Variants in SHROOM3 observed in about 807,000 individuals in gnomAD.
SHROOM3 encodes shroom family member 3.
In SHROOM3, 47 loss-of-function variants were observed where a neutral mutation model predicts 138.6. That is an observed-to-expected ratio of 0.34 (90% CI 0.27 to 0.43). The LOEUF (loss-of-function observed/expected upper bound fraction) is 0.43, where lower values mean the gene tolerates loss of function less well. Ranked by LOEUF, SHROOM3 falls within the 20% of genes least tolerant of loss-of-function variation. SHROOM3 has a pLI of 1.00. For synonymous variants in SHROOM3, 1,062 were observed against 1,063.3 expected (o/e 1.00, Z 0.02); for missense variants, 2,491 against 2,596.5 (o/e 0.96, Z 0.88).
chr4:76,511,695 T>A (rs1461639721), intron 1 of SHROOM3, among the ~76,000 whole-genome samples: 2 of 152,092 alleles, frequency 1.3e-5, no homozygotes, highest in Admixed American at 1.3e-4. Context: ...AGGGAAAAAA[T>A]TTCAAATAAA....
At chr4:76,712,362 C>T (rs1720253552) in intron 3 of SHROOM3, among the ~76,000 whole-genome samples, 1 of 152,068 alleles carries the variant, frequency 6.6e-6, no homozygotes, top group African/African-American at 2.4e-5. Flanking sequence ...GCCATTAGGA[C>T]AGGGAAGGCA....
intron 2 of SHROOM3, among the ~76,000 whole-genome samples, chr4:76,653,779 T>G (rs1369305866): frequency 6.6e-6 from 1 of 152,100 alleles, no homozygotes; most frequent in African/African-American, 2.4e-5. Flanking sequence ...TTGCACAGGC[T>G]GGTCTCAGAC....
In SHROOM3 at chr4:76,564,647, A is replaced by G. The variant is rs973241586; in HGVS notation, c.323+8884A>G. ...TCTTTTTCCCCCGTAGCACATAATG[A>G]TAACTGCTATTTTTATTCAATGGGT... is the stretch of plus-strand genomic sequence containing the variant. On this transcript the variant is annotated intron_variant, in intron 2 of 10. Coordinates refer to ENST00000296043, the MANE Select transcript of SHROOM3 (RefSeq NM_020859.4). 5.3e-5 allele frequency among the ~76,000 whole-genome samples: 8 copies of G among 152,182 alleles called. No individual in the cohort carries two copies. The South Asian group carries it at 1.5e-3, about 28-fold the overall frequency.
At chr4:76,709,757 G>A (rs1340379397) in intron 2 of SHROOM3, 2 of 278,258 alleles carry the variant, frequency 7.2e-6, no homozygotes, top group South Asian at 3.7e-5. Flanking sequence ...GGTGGCAGAG[G>A]CTTGGTTTCA....
chr4:76,502,265 G>A (rs919212830), intron 1 of SHROOM3, among the ~76,000 whole-genome samples: 1 of 152,148 alleles, frequency 6.6e-6, no homozygotes, highest in African/African-American at 2.4e-5. Flanking sequence ...TATAAATTAG[G>A]CAGTTTCAGA....
intron 2 of SHROOM3, among the ~76,000 whole-genome samples, chr4:76,645,797 T>G (rs1238880903): frequency 6.6e-6 from 1 of 152,186 alleles, no homozygotes; most frequent in Admixed American, 6.5e-5. Flanking sequence ...ATTATATACA[T>G]GCAAATAGTC....
At chr4:76,475,928 G>C (rs187842378) in intron 1 of SHROOM3, among the ~76,000 whole-genome samples, 2 of 152,286 alleles carry the variant, frequency 1.3e-5, no homozygotes, top group Non-Finnish European at 1.5e-5. Flanking sequence ...AATTCTCCTA[G>C]TGTTTTCTAC....
chr4:76,712,681 T>C (rs1054677162), intron 3 of SHROOM3, among the ~76,000 whole-genome samples: 1 of 152,236 alleles, frequency 6.6e-6, no homozygotes, highest in Non-Finnish European at 1.5e-5. Flanking sequence ...TGCTCTTGGC[T>C]GGAATTTTTA....
At chr4:76,545,852 T>C (rs1032290368) in intron 1 of SHROOM3, among the ~76,000 whole-genome samples, 3 of 152,134 alleles carry the variant, frequency 2.0e-5, no homozygotes, top group Admixed American at 6.5e-5. Context: ...TCACCTAGTA[T>C]TGGAAGTGGG....
At chr4:76,472,428 A>G (rs146050765) in intron 1 of SHROOM3, among the ~76,000 whole-genome samples, 171 of 152,274 alleles carry the variant, frequency 1.1e-3, no homozygotes, top group Non-Finnish European at 2.0e-3. Flanking sequence ...CAGTCTTGTC[A>G]TGGAGAGGAG....
intron 7 of SHROOM3, among the ~76,000 whole-genome samples, chr4:76,756,172 A>G (rs1721803814): frequency 6.6e-6 from 1 of 152,134 alleles, no homozygotes; most frequent in African/African-American, 2.4e-5. Context: ...ACTCCTATGT[A>G]TATATCTATG....
At position 76,605,937 on chromosome 4, in the gene SHROOM3, A is replaced by C. The variant is rs186772591; in HGVS notation, c.323+50174A>C. On this transcript the variant is annotated intron_variant, in intron 2 of 10. Coordinates refer to ENST00000296043, the MANE Select transcript of SHROOM3 (RefSeq NM_020859.4). ...TTTCTCTCTCTCTCTCTCTCTCTATATATATATATACACATATATATATAC... is the reference window on the plus strand; with the variant it reads ...TTTCTCTCTCTCTCTCTCTCTCTATCTATATATATACACATATATATATAC... 4.8e-3 allele frequency among the ~76,000 whole-genome samples: 682 copies of C among 141,964 alleles called. 3 individuals are homozygous for C. The highest frequency in any genetic ancestry group is 5.9e-3 in the Non-Finnish European group (389 of 66,162). The allele number at this position is 141,964 out of a possible 152,430, so 93.1% of individuals were successfully genotyped here.
intron 9 of SHROOM3, among the ~76,000 whole-genome samples, chr4:76,770,338 A>C (rs1046983370): frequency 7.4e-5 from 11 of 148,978 alleles, no homozygotes; most frequent in Non-Finnish European, 1.5e-4. Flanking sequence ...AAAAAAAAAA[A>C]AAAAAAAAAA....
intron 2 of SHROOM3, among the ~76,000 whole-genome samples, chr4:76,685,093 C>A (rs1018074198): frequency 1.3e-5 from 2 of 152,236 alleles, no homozygotes; most frequent in Admixed American, 1.3e-4. Flanking sequence ...AGCAGCACAT[C>A]ATTCGTTCCT....
intron 1 of SHROOM3, among the ~76,000 whole-genome samples, chr4:76,475,758 A>T (rs1000674006): frequency 1.8e-4 from 27 of 152,214 alleles, no homozygotes; most frequent in African/African-American, 6.5e-4. Flanking sequence ...AAATCACTTG[A>T]TTTATACCAA....
chr4:76,634,987 A>T (rs1014451085), intron 2 of SHROOM3, among the ~76,000 whole-genome samples: 3 of 152,152 alleles, frequency 2.0e-5, no homozygotes, highest in African/African-American at 4.8e-5. Flanking sequence ...TTTACTCCAC[A>T]GATATTTATT....
intron 1 of SHROOM3, among the ~76,000 whole-genome samples, chr4:76,527,050 A>G (rs1167759918): frequency 6.6e-6 from 1 of 152,012 alleles, no homozygotes; most frequent in Non-Finnish European, 1.5e-5. Context: ...ATGCTTGCCT[A>G]CTTTCTTTCT....
intron 9 of SHROOM3, among the ~76,000 whole-genome samples, chr4:76,764,028 T>G (rs1722069743): frequency 6.6e-6 from 1 of 152,212 alleles, no homozygotes; most frequent in Non-Finnish European, 1.5e-5. Flanking sequence ...TTATTTAATA[T>G]TTAAAGTTAT....
chr4:76,528,544 CTTTCTT>C (rs932390413), intron 1 of SHROOM3, among the ~76,000 whole-genome samples: 2 of 103,456 alleles, frequency 1.9e-5, no homozygotes, highest in African/African-American at 4.5e-5. Context: ...ATCTTTCTTT[CTTTCTT>C]TTTTTTTTTT....
Sources: allele counts gnomAD v4.1 joint callset (sites outside exome capture counted in the v4.1 genomes callset), GRCh38; gene constraint gnomAD v4.1.1; transcripts MANE v1.5; gene names NCBI Gene and HGNC (gene_info 2026-07-23, HGNC 2026-07-21).